The following RBFOX1 variants were observed in gnomAD, a reference collection of about 807,000 sequenced individuals.
RBFOX1 encodes RNA binding protein fox-1 homolog 1.
A neutral mutation model predicts 57.7 loss-of-function variants in RBFOX1; 8 were observed. That is an observed-to-expected ratio of 0.14 (90% CI 0.08 to 0.25). RBFOX1 has a LOEUF of 0.25. Ranked by LOEUF, RBFOX1 falls within the 10% of genes least tolerant of loss-of-function variation. The pLI is 1.00. For missense variants in RBFOX1, 611 were observed against 548.5 expected (o/e 1.11, Z -1.14); for synonymous variants, 326 against 222.4 (o/e 1.47, Z -4.15).
At chr16:5,461,322 C>T (rs1373304957) in intron 1 of RBFOX1, among the ~76,000 whole-genome samples, 1 of 152,196 alleles carries the variant, frequency 6.6e-6, no homozygotes, top group African/African-American at 2.4e-5. Context: ...CACTCTGCCG[C>T]CTCTGCCTCT....
At chr16:6,995,009 G>C (rs148615943) in intron 3 of RBFOX1, among the ~76,000 whole-genome samples, 1 of 150,798 alleles carries the variant, frequency 6.6e-6, no homozygotes, top group Admixed American at 6.6e-5. Context: ...TTGCATACGT[G>C]TGTATATGGA....
chr16:7,071,631 A>G (rs924219140), intron 4 of RBFOX1, among the ~76,000 whole-genome samples: 1 of 151,278 alleles, frequency 6.6e-6, no homozygotes, highest in African/African-American at 2.4e-5. Flanking sequence ...GTCTGTATAC[A>G]TAACCTGGGT....
intron 3 of RBFOX1, among the ~76,000 whole-genome samples, chr16:6,733,749 C>A (rs1430672868): frequency 2.0e-5 from 3 of 151,146 alleles, no homozygotes; most frequent in African/African-American, 7.3e-5. Context: ...AAGAGCGAGA[C>A]CCTGCCTTAA....
chr16:6,076,311 A>G (rs1035916304), intron 1 of RBFOX1, among the ~76,000 whole-genome samples: 1 of 148,484 alleles, frequency 6.7e-6, no homozygotes, highest in Admixed American at 6.7e-5. Context: ...AAAAAAAAAA[A>G]CAACAAACGC....
intron 2 of RBFOX1, among the ~76,000 whole-genome samples, chr16:6,485,890 C>G (rs1032277992): frequency 6.6e-6 from 1 of 152,066 alleles, no homozygotes; most frequent in Non-Finnish European, 1.5e-5. Flanking sequence ...TTTACTCAGA[C>G]TTGGTAGAAA....
chr16:6,320,397 T>C (rs2081622842), intron 2 of RBFOX1, among the ~76,000 whole-genome samples: 1 of 152,106 alleles, frequency 6.6e-6, no homozygotes, highest in Non-Finnish European at 1.5e-5. Context: ...GGTGATGGGT[T>C]GTTTGGGTGA....
At chr16:6,480,241 T>G (rs1408110460) in intron 2 of RBFOX1, among the ~76,000 whole-genome samples, 2 of 152,152 alleles carry the variant, frequency 1.3e-5, no homozygotes, top group African/African-American at 2.4e-5. Flanking sequence ...ATATAACATA[T>G]AGAGTATATA....
chr16:6,173,028 T>C (rs2096973266), intron 1 of RBFOX1, among the ~76,000 whole-genome samples: 1 of 152,182 alleles, frequency 6.6e-6, no homozygotes, highest in Admixed American at 6.5e-5. Context: ...CATGCATTTC[T>C]TTGATAGTAA....
At chr16:7,407,254 A>G (rs1024703420) in intron 4 of RBFOX1, among the ~76,000 whole-genome samples, 2 of 152,116 alleles carry the variant, frequency 1.3e-5, no homozygotes, top group African/African-American at 2.4e-5. Context: ...GGACATGAGC[A>G]TGTTTGGGAG....
At chr16:6,158,391 A>G (rs2096853711) in intron 1 of RBFOX1, among the ~76,000 whole-genome samples, 1 of 152,176 alleles carries the variant, frequency 6.6e-6, no homozygotes, top group African/African-American at 2.4e-5. Flanking sequence ...AGTGAAGGAA[A>G]TAATGGCAGC....
intron 2 of RBFOX1, among the ~76,000 whole-genome samples, chr16:6,529,617 C>A (rs960014861): frequency 2.0e-5 from 3 of 151,678 alleles, no homozygotes; most frequent in Admixed American, 6.6e-5. Context: ...AACATTGAGT[C>A]AGCTGTTTTC....
chr16:6,603,363 G>A (rs1333324436), intron 2 of RBFOX1, among the ~76,000 whole-genome samples: 1 of 152,094 alleles, frequency 6.6e-6, no homozygotes, highest in Non-Finnish European at 1.5e-5. Flanking sequence ...TACAACTAAA[G>A]GATTTAAGGG....
At chr16:7,066,842 C>T (rs906416144) in intron 4 of RBFOX1, among the ~76,000 whole-genome samples, 1 of 152,138 alleles carries the variant, frequency 6.6e-6, no homozygotes, top group African/African-American at 2.4e-5. Context: ...GTCTTCCCAG[C>T]CAGTGAGTGG....
At chr16:7,439,600 A>T (rs942515329) in intron 4 of RBFOX1, among the ~76,000 whole-genome samples, 10 of 152,340 alleles carry the variant, frequency 6.6e-5, no homozygotes, top group Admixed American at 3.3e-4. Flanking sequence ...TTTAAATGCA[A>T]AATGTCTTGA....
At chr16:6,864,657 A>G (rs1415302213) in intron 3 of RBFOX1, among the ~76,000 whole-genome samples, 1 of 150,992 alleles carries the variant, frequency 6.6e-6, no homozygotes, top group Non-Finnish European at 1.5e-5. Context: ...TTTGTTCTTG[A>G]TGGAAAATTC....
intron 4 of RBFOX1, among the ~76,000 whole-genome samples, chr16:7,129,542 G>A (rs1387869252): frequency 1.3e-5 from 2 of 152,118 alleles, no homozygotes; most frequent in Non-Finnish European, 1.5e-5. Context: ...GGATTACAAT[G>A]GAGAGACACA....
At chr16:7,539,840 G>C (rs961675907) in intron 5 of RBFOX1, among the ~76,000 whole-genome samples, 1 of 152,202 alleles carries the variant, frequency 6.6e-6, no homozygotes, top group South Asian at 2.1e-4. Flanking sequence ...ATAGCATCCA[G>C]ATAGATGAGA....
intron 1 of RBFOX1, among the ~76,000 whole-genome samples, chr16:5,314,296 GTTGT>G (rs2064171811): frequency 6.6e-6 from 1 of 152,196 alleles, no homozygotes; most frequent in Non-Finnish European, 1.5e-5. Flanking sequence ...ATGTGTAGCT[GTTGT>G]TTGTTAGGGA....
chr16:6,082,581 G>C (rs921556400), intron 1 of RBFOX1, among the ~76,000 whole-genome samples: 2 of 151,852 alleles, frequency 1.3e-5, no homozygotes, highest in African/African-American at 4.8e-5. Flanking sequence ...GCCCTTAGCA[G>C]ACCTTCTCTT....
Sources: gnomAD v4.1 joint callset for allele counts (sites outside exome capture counted in the v4.1 genomes callset) on GRCh38, gnomAD v4.1.1 for gene constraint, MANE v1.5 for transcripts, NCBI Gene and HGNC (gene_info 2026-07-23, HGNC 2026-07-21) for gene names.